MAML2: variants seen among roughly 807,000 people sequenced by gnomAD.
MAML2 encodes mastermind-like protein 2.
Under a neutral mutation model 96.1 loss-of-function variants are expected in MAML2, and 22 were observed. That is an observed-to-expected ratio of 0.23 (90% CI 0.16 to 0.33). MAML2 has a LOEUF of 0.33. MAML2 is among the 10% of genes least tolerant of loss of function. The pLI is 1.00. For missense variants in MAML2, 1,367 were observed against 1,392.4 expected, an observed-to-expected ratio of 0.98 and a Z score of 0.29; for synonymous variants, 561 against 521.3, an observed-to-expected ratio of 1.08 and a Z score of -1.04.
intron 1 of MAML2, among the ~76,000 whole-genome samples, chr11:96,094,701 G>C (rs1010598556): frequency 2.0e-5 from 3 of 152,112 alleles, no homozygotes; most frequent in Non-Finnish European, 2.9e-5. Context: ...TATCCTTGTT[G>C]ATTTGTCTCT....
chr11:96,311,243 G>T (rs2136004424), intron 1 of MAML2, among the ~76,000 whole-genome samples: 1 of 152,270 alleles, frequency 6.6e-6, no homozygotes, highest in African/African-American at 2.4e-5. Flanking sequence ...GTCCATTCCT[G>T]GCATGCAGCA....
intron 1 of MAML2, among the ~76,000 whole-genome samples, chr11:96,278,463 C>T (rs897198038): frequency 6.6e-6 from 1 of 152,120 alleles, no homozygotes; most frequent in Non-Finnish European, 1.5e-5. Flanking sequence ...GCGGACATCC[C>T]AACAAACCAG....
intron 2 of MAML2, among the ~76,000 whole-genome samples, chr11:96,011,387 A>G (rs886858967): frequency 2.0e-5 from 3 of 152,264 alleles, no homozygotes; most frequent in African/African-American, 7.2e-5. Flanking sequence ...CTACATAGCC[A>G]TAAAAAAGAA....
At chr11:96,061,320 T>G (rs1859155615) in intron 2 of MAML2, among the ~76,000 whole-genome samples, 1 of 152,186 alleles carries the variant, frequency 6.6e-6, no homozygotes, top group Non-Finnish European at 1.5e-5. Flanking sequence ...ATGGTGCAAT[T>G]TCAACAGTTG....
intron 1 of MAML2, among the ~76,000 whole-genome samples, chr11:96,283,572 G>T (rs1035987610): frequency 6.6e-6 from 1 of 152,120 alleles, no homozygotes; most frequent in African/African-American, 2.4e-5. Flanking sequence ...TCTAACTGGA[G>T]AAATCTTTAA....
chr11:96,023,104 G>A (rs1858460931), intron 2 of MAML2, among the ~76,000 whole-genome samples: 1 of 152,214 alleles, frequency 6.6e-6, no homozygotes, highest in Admixed American at 6.5e-5. Context: ...AGTTAGAAGA[G>A]GATGAAGCCC....
At chr11:96,269,154 T>C (rs931656045) in intron 1 of MAML2, among the ~76,000 whole-genome samples, 1 of 144,712 alleles carries the variant, frequency 6.9e-6, no homozygotes, top group Non-Finnish European at 1.5e-5. Context: ...TTGAGAAATT[T>C]CAAGTTGCCT....
intron 1 of MAML2, among the ~76,000 whole-genome samples, chr11:96,116,157 G>T (rs1860236788): frequency 6.6e-6 from 1 of 152,186 alleles, no homozygotes; most frequent in Non-Finnish European, 1.5e-5. Context: ...GCAGGGCAGT[G>T]CTTTTTGGTT....
intron 2 of MAML2, among the ~76,000 whole-genome samples, chr11:96,065,468 C>G (rs1051881424): frequency 6.6e-6 from 1 of 151,916 alleles, no homozygotes; most frequent in Non-Finnish European, 1.5e-5. Flanking sequence ...GCAAAGAACC[C>G]TGGTTTAGCT....
intron 1 of MAML2, among the ~76,000 whole-genome samples, chr11:96,226,736 T>C (rs1862215657): frequency 6.6e-6 from 1 of 152,184 alleles, no homozygotes; most frequent in South Asian, 2.1e-4. Flanking sequence ...CTAAATTCTA[T>C]TAGTCTCTGA....
chr11:96,132,018 A>G (rs1860556116), intron 1 of MAML2, among the ~76,000 whole-genome samples: 1 of 152,180 alleles, frequency 6.6e-6, no homozygotes, highest in Admixed American at 6.5e-5. Flanking sequence ...TCAAAAAATA[A>G]AAATATACTA....
chr11:96,298,400 G>A (rs1200284724), intron 1 of MAML2, among the ~76,000 whole-genome samples: 1 of 152,192 alleles, frequency 6.6e-6, no homozygotes, highest in Non-Finnish European at 1.5e-5. Flanking sequence ...GTAGAAATGA[G>A]CTAAGTTGAA....
chr11:96,237,850 A>C (rs909621167), intron 1 of MAML2, among the ~76,000 whole-genome samples: 1 of 152,232 alleles, frequency 6.6e-6, no homozygotes, highest in Non-Finnish European at 1.5e-5. Context: ...TGCTAAGCTA[A>C]TGTTTATTTT....
intron 1 of MAML2, among the ~76,000 whole-genome samples, chr11:96,255,839 T>G (rs1862658359): frequency 6.6e-6 from 1 of 151,530 alleles, no homozygotes; most frequent in Non-Finnish European, 1.5e-5. Context: ...ACTTTTTGTT[T>G]TGTGGAGATA....
chr11:95,976,944 GA>G lies in MAML2; in HGVS notation c.*2003del, dbSNP rs1857659904. ...AAGGACCAATACAATGTGCACAGCA[GA>G]AGAATCAAATAAGACACAAGAACTA... On this transcript the variant is annotated 3_prime_UTR_variant, in exon 5 of 5. Transcript: ENST00000524717. 1 of 196,238 alleles carries G rather than the reference GA, an allele frequency of 5.1e-6. No individual in the cohort carries two copies. The highest frequency in any genetic ancestry group is 1.1e-5 in the Non-Finnish European group (1 of 94,616). 12.2% of individuals were successfully genotyped at this position (196,238 alleles called of 1,614,324 possible).
At chr11:96,281,549 C>G (rs1863065769) in intron 1 of MAML2, among the ~76,000 whole-genome samples, 1 of 151,874 alleles carries the variant, frequency 6.6e-6, no homozygotes, top group Non-Finnish European at 1.5e-5. Flanking sequence ...AGTTTTTTTC[C>G]CTGTTTGTCA....
chr11:96,310,235 A>AT lies in MAML2; in HGVS notation c.513+31147dup, dbSNP rs910948213. The stretch of plus-strand genomic sequence containing the variant: ...TTTTTGTTGTCAGAAGCTAAAGGTT[A>AT]TTTTTTTTTTCACTAAGTAATGTAA... On this transcript the variant is annotated intron_variant, in intron 1 of 4. Transcript: ENST00000524717. Among the ~76,000 whole-genome samples, 279 of 150,874 alleles carry AT rather than the reference A, an allele frequency of 1.8e-3. 1 individual carries two copies. The highest frequency in any genetic ancestry group is 6.8e-3 in the Middle Eastern group (2 of 292).
chr11:96,179,091 C>T (rs1184223600), intron 1 of MAML2, among the ~76,000 whole-genome samples: 1 of 152,144 alleles, frequency 6.6e-6, no homozygotes. Context: ...TCTGTCAAGT[C>T]TGAATTATTC....
At chr11:96,029,619 G>C (rs1565193936) in intron 2 of MAML2, among the ~76,000 whole-genome samples, 1 of 152,106 alleles carries the variant, frequency 6.6e-6, no homozygotes, top group Non-Finnish European at 1.5e-5. Flanking sequence ...TCAAAAATAG[G>C]CTGTGTTAAC....
Sources: gnomAD v4.1 joint callset for allele counts (sites outside exome capture counted in the v4.1 genomes callset) on GRCh38, gnomAD v4.1.1 for gene constraint, MANE v1.5 for transcripts, NCBI Gene and HGNC (gene_info 2026-07-23, HGNC 2026-07-21) for gene names.